Variants in KCNMA1 observed in about 807,000 individuals in gnomAD.
KCNMA1 encodes the protein potassium calcium-activated channel subfamily M alpha 1.
A neutral mutation model predicts 140.0 loss-of-function variants in KCNMA1; 29 were observed. That is an observed-to-expected ratio of 0.21 (90% CI 0.15 to 0.28). The LOEUF (loss-of-function observed/expected upper bound fraction) is 0.28, where lower values mean the gene tolerates loss of function less well. Ranked by LOEUF, KCNMA1 falls within the 10% of genes least tolerant of loss-of-function variation. KCNMA1 has a pLI of 1.00. For missense variants in KCNMA1, 880 were observed against 1,602.2 expected (o/e 0.55, Z 7.70); for synonymous variants, 612 against 611.9 (o/e 1.00, Z 0.00).
chr10:77,444,023 A>G, intron 1 of KCNMA1, among the ~76,000 whole-genome samples: 1 of 152,240 alleles, frequency 6.6e-6, no homozygotes, highest in East Asian at 1.9e-4. Flanking sequence ...GTACATATGT[A>G]CATTTATTAT....
intron 1 of KCNMA1, among the ~76,000 whole-genome samples, chr10:77,556,288 T>A (rs906548072): frequency 2.0e-5 from 3 of 152,030 alleles, no homozygotes. Context: ...GTGGATCATT[T>A]GAGTTTAGGA....
At chr10:77,606,069 C>T (rs1181057157) in intron 1 of KCNMA1, among the ~76,000 whole-genome samples, 4 of 152,200 alleles carry the variant, frequency 2.6e-5, no homozygotes, top group South Asian at 2.1e-4. Context: ...GGCAGTGCTG[C>T]GGCCTAGACC....
chr10:77,270,575 G>T lies in KCNMA1; in HGVS notation c.541-19319C>A, dbSNP rs145466583. Among the ~76,000 whole-genome samples the T allele has an allele frequency of 4.5e-3, 679 of 149,258 alleles. 11 individuals carry two copies. Among genetic ancestry groups the T allele is most frequent in the African/African-American group, 0.016 (646 of 40,472 alleles). On this transcript the variant is annotated intron_variant, in intron 2 of 27. Transcript: ENST00000286628. ...CTTGCTCTGTTGCCCAGGCTAGAGT[G>T]CGGTAGTGCAATGTCAGCTCACTGC...
downstream of KCNMA1, chr10:76,876,235 C>T (rs566372376): frequency 1.4e-4 from 22 of 152,678 alleles, no homozygotes; most frequent in African/African-American, 3.1e-4. Context: ...CATGAAACTT[C>T]GGGGAGATAC....
intron 1 of KCNMA1, among the ~76,000 whole-genome samples, chr10:77,551,517 C>T (rs368345056): frequency 6.8e-4 from 103 of 152,344 alleles, no homozygotes; most frequent in African/African-American, 2.3e-3. Context: ...CTGTGCCCCA[C>T]AGTTGATGCT....
intron 14 of KCNMA1, among the ~76,000 whole-genome samples, chr10:77,069,131 G>A (rs2096082050): frequency 6.6e-6 from 1 of 152,210 alleles, no homozygotes; most frequent in African/African-American, 2.4e-5. Context: ...GGCAATAGCA[G>A]ATAGGCTAAG....
chr10:77,321,659 C>T (rs1037710473), intron 2 of KCNMA1, among the ~76,000 whole-genome samples: 18 of 152,228 alleles, frequency 1.2e-4, no homozygotes, highest in African/African-American at 3.9e-4. Flanking sequence ...CAGGCAGTGT[C>T]GGTTTTTTTT....
chr10:77,239,698 T>G (rs1376552885), intron 3 of KCNMA1, among the ~76,000 whole-genome samples: 1 of 152,186 alleles, frequency 6.6e-6, no homozygotes, highest in Non-Finnish European at 1.5e-5. Context: ...AGACGCTACC[T>G]ATCACTAACT....
At chr10:76,958,857 C>G (rs1222361430) in intron 20 of KCNMA1, among the ~76,000 whole-genome samples, 1 of 152,142 alleles carries the variant, frequency 6.6e-6, no homozygotes, top group Non-Finnish European at 1.5e-5. Context: ...TACTTGATTA[C>G]AGCATTCCTA....
At chr10:77,053,332 G>A (rs924760092) in intron 14 of KCNMA1, among the ~76,000 whole-genome samples, 2 of 152,170 alleles carry the variant, frequency 1.3e-5, no homozygotes, top group Non-Finnish European at 2.9e-5. Flanking sequence ...TAACATATGG[G>A]AAAGAATAGT....
At chr10:77,135,767 T>G (rs775189371) in intron 5 of KCNMA1, among the ~76,000 whole-genome samples, 1 of 152,150 alleles carries the variant, frequency 6.6e-6, no homozygotes, top group Non-Finnish European at 1.5e-5. Context: ...ATCTCACTCA[T>G]ATAAAACAGC....
chr10:77,201,540 G>T (rs2042469026), intron 3 of KCNMA1, among the ~76,000 whole-genome samples: 1 of 152,166 alleles, frequency 6.6e-6, no homozygotes, highest in African/African-American at 2.4e-5. Flanking sequence ...TCAGCAGGAA[G>T]GCATGCTGGG....
intron 1 of KCNMA1, among the ~76,000 whole-genome samples, chr10:77,519,027 A>G (rs1484763260): frequency 6.6e-6 from 1 of 152,188 alleles, no homozygotes; most frequent in Non-Finnish European, 1.5e-5. Flanking sequence ...CTACAATTTC[A>G]TCTTCCATAT....
In KCNMA1 at chr10:76,943,429, G is replaced by C. The variant is rs371768309; in HGVS notation, c.2902+1344C>G. On this transcript the variant is annotated intron_variant, in intron 23 of 27. Transcript: ENST00000286628. ...TTCACATGCACCACCAAAGGGGAAGGTTCTCTTAAGCTTGACCAGAAGCTG... is the reference window on the plus strand; with the variant it reads ...TTCACATGCACCACCAAAGGGGAAGCTTCTCTTAAGCTTGACCAGAAGCTG... Among the ~76,000 whole-genome samples the C allele has an allele frequency of 2.0e-5, 3 of 152,148 alleles. No homozygotes were observed. The East Asian group carries it at 5.8e-4, about 29-fold the overall frequency.
Position 77,108,905 on chromosome 10 carries a change from T to C in KCNMA1, c.1132-333A>G, listed in dbSNP as rs1013542115. Reference sequence around the variant, plus strand: ...CAAGAGGGGGACATGCTAGTGAAACTAAACACACACAGACACATGTGTGCA... The same window carrying C: ...CAAGAGGGGGACATGCTAGTGAAACCAAACACACACAGACACATGTGTGCA... On this transcript the variant is annotated intron_variant, in intron 8 of 27. Coordinates refer to ENST00000286628, the MANE Select transcript of KCNMA1 (RefSeq NM_001161352.2). This position sits in a 1 kb window ranked among gnomAD's most constrained non-coding sequence, Gnocchi z 4.6. Among the ~76,000 whole-genome samples, 7 of 152,064 alleles carry C rather than the reference T, an allele frequency of 4.6e-5. No homozygotes were observed. The highest frequency in any genetic ancestry group is 1.2e-4 in the African/African-American group (5 of 41,378).
At chr10:76,918,817 T>C (rs1425746742) in intron 23 of KCNMA1, among the ~76,000 whole-genome samples, 2 of 151,918 alleles carry the variant, frequency 1.3e-5, no homozygotes, top group East Asian at 1.9e-4. Context: ...CAATTCACAA[T>C]TGCAAAACCA....
rs138486286 is a variant in KCNMA1, at chr10:77,416,872, C to T, written c.379-12849G>A. ...TCTGTCCTGCTTTGTTTTCACTCTTCGCTCATATCTTCTGGAATCTCAAAA... is the reference window on the plus strand; with the variant it reads ...TCTGTCCTGCTTTGTTTTCACTCTTTGCTCATATCTTCTGGAATCTCAAAA... On this transcript the variant is annotated intron_variant, in intron 1 of 27. Transcript: ENST00000286628. Among the ~76,000 whole-genome samples, 16 of 152,298 alleles carry T rather than the reference C, an allele frequency of 1.1e-4. No individual in the cohort carries two copies. The East Asian group carries it at 1.2e-3, about 11-fold the overall frequency.
chr10:76,989,759 G>T lies in KCNMA1; in HGVS notation c.2266+11648C>A, dbSNP rs148778962. On this transcript the variant is annotated intron_variant, in intron 19 of 27. Coordinates refer to ENST00000286628, the MANE Select transcript of KCNMA1 (RefSeq NM_001161352.2). The stretch of plus-strand genomic sequence containing the variant: ...CCACTATCTGTGGGCTTCTCTGCCT[G>T]TAGCTGATATGACCTCTTATAAGGC... Among the ~76,000 whole-genome samples the T allele has an allele frequency of 1.8e-3, 280 of 151,546 alleles. 1 individual carries two copies. Among genetic ancestry groups the T allele is most frequent in the Middle Eastern group, 7.0e-3 (2 of 286 alleles).
chr10:77,018,958 G>T, intron 17 of KCNMA1, 55 bp downstream of exon 17: 1 of 977,700 alleles, frequency 1.0e-6, no homozygotes, highest in Non-Finnish European at 1.7e-6. Flanking sequence ...ACTTCCGTGG[G>T]TCAAGGTGTC....
Sources: allele counts gnomAD v4.1 joint callset (sites outside exome capture counted in the v4.1 genomes callset), GRCh38; gene constraint gnomAD v4.1.1; non-coding constraint Gnocchi (gnomAD v3.1); transcripts MANE v1.5; gene names NCBI Gene and HGNC (gene_info 2026-07-23, HGNC 2026-07-21).